The following PDE7A variants were observed in gnomAD, a reference collection of about 807,000 sequenced individuals.
PDE7A encodes the protein high affinity 3',5'-cyclic-AMP phosphodiesterase 7A.
A neutral mutation model predicts 64.3 loss-of-function variants in PDE7A; 39 were observed. That is an observed-to-expected ratio of 0.61 (90% CI 0.47 to 0.79). The LOEUF is 0.79. Among genes scored for constraint, PDE7A ranks in the 30% least tolerant of loss-of-function variants. The pLI, the probability that PDE7A is intolerant of heterozygous loss-of-function variation, is 0.00. For synonymous variants in PDE7A, 203 were observed against 206.8 expected, an observed-to-expected ratio of 0.98 and a Z score of 0.16; for missense variants, 470 against 582.8, an observed-to-expected ratio of 0.81 and a Z score of 1.99.
chr8:65,782,656 T>A (rs924768899), intron 2 of PDE7A, 127 bp downstream of exon 2: 23 of 603,924 alleles, frequency 3.8e-5, no homozygotes, highest in Non-Finnish European at 5.3e-5. Context: ...GACTCTAAAC[T>A]CCATGAATAG....
intron 7 of PDE7A, 62 bp from the exon 8 acceptor site, chr8:65,727,363 C>T: frequency 4.4e-6 from 7 of 1,592,592 alleles, no homozygotes; most frequent in Non-Finnish European, 6.0e-6. Context: ...TACGCCATCA[C>T]AGTAGTTTTG....
chr8:65,732,281 G>A (rs1037576644), intron 7 of PDE7A, among the ~76,000 whole-genome samples: 1 of 151,948 alleles, frequency 6.6e-6, no homozygotes, highest in African/African-American at 2.4e-5. Flanking sequence ...TTACAGGCGT[G>A]AGCCACCATG....
At chr8:65,774,439 T>G (rs1209272225) in intron 3 of PDE7A, among the ~76,000 whole-genome samples, 1 of 152,112 alleles carries the variant, frequency 6.6e-6, no homozygotes, top group Non-Finnish European at 1.5e-5. Context: ...ATAATTTGCC[T>G]ATAAAATTCT....
At chr8:65,816,761 C>T (rs899604566) in intron 1 of PDE7A, among the ~76,000 whole-genome samples, 4 of 152,204 alleles carry the variant, frequency 2.6e-5, no homozygotes, top group African/African-American at 4.8e-5. Context: ...TTTTCTCTTG[C>T]TGCTTTCAAG....
chr8:65,798,510 G>C (rs891104201), intron 1 of PDE7A, among the ~76,000 whole-genome samples: 3 of 151,972 alleles, frequency 2.0e-5, no homozygotes, highest in Middle Eastern at 3.4e-3. Context: ...TTGTTGCCTG[G>C]CCATATTTAA....
chr8:65,781,735 T>G (rs1435308083), intron 2 of PDE7A, among the ~76,000 whole-genome samples: 1 of 152,230 alleles, frequency 6.6e-6, no homozygotes, highest in East Asian at 1.9e-4. Context: ...TGTTTTGCTT[T>G]AGACATGTTA....
At chr8:65,770,439 G>T (rs966206695) in intron 3 of PDE7A, among the ~76,000 whole-genome samples, 1 of 152,146 alleles carries the variant, frequency 6.6e-6, no homozygotes, top group African/African-American at 2.4e-5. Context: ...ATCAGATTTC[G>T]TGAGACTTAT....
chr8:65,739,375 T>A (rs1300348259), intron 6 of PDE7A, 127 bp downstream of exon 6: 1 of 1,090,772 alleles, frequency 9.2e-7, no homozygotes, highest in African/African-American at 1.7e-5. Context: ...CTGTGTGTTG[T>A]TTTAAGCCAC....
intron 1 of PDE7A, among the ~76,000 whole-genome samples, chr8:65,800,830 G>A (rs781252458): frequency 2.2e-4 from 34 of 152,126 alleles, no homozygotes; most frequent in Non-Finnish European, 2.9e-4. Context: ...TTAAAGTTTC[G>A]TCCAGTGCTA....
chr8:65,753,592 C>T (rs745690882), intron 3 of PDE7A, among the ~76,000 whole-genome samples: 9 of 150,996 alleles, frequency 6.0e-5, no homozygotes, highest in East Asian at 2.0e-4. Flanking sequence ...AATGTGCACT[C>T]GAGAAGAATT....
chr8:65,740,612 G>C (rs891479901), intron 5 of PDE7A, among the ~76,000 whole-genome samples: 3 of 152,094 alleles, frequency 2.0e-5, no homozygotes, highest in African/African-American at 7.2e-5. Flanking sequence ...TTGTTGGCCA[G>C]GCTGGTCTCG....
intron 3 of PDE7A, among the ~76,000 whole-genome samples, chr8:65,778,700 C>A (rs1215169009): frequency 6.6e-6 from 1 of 152,230 alleles, no homozygotes; most frequent in African/African-American, 2.4e-5. Flanking sequence ...AAAGCCCTGA[C>A]TACTCTCTGC....
chr8:65,724,183 G>T, intron 11 of PDE7A, 72 bp downstream of exon 11: 1 of 911,300 alleles, frequency 1.1e-6, no homozygotes. Flanking sequence ...AAATTATTGA[G>T]TTATTTTATT....
chr8:65,779,692 G>T, intron 3 of PDE7A, 28 bp downstream of exon 3: 1 of 1,167,154 alleles, frequency 8.6e-7, no homozygotes, highest in Non-Finnish European at 1.2e-6. Context: ...GTGAAAATCC[G>T]AGAAACTTCA....
At chr8:65,755,569 T>A (rs1877641) in intron 3 of PDE7A, among the ~76,000 whole-genome samples, 1 of 152,112 alleles carries the variant, frequency 6.6e-6, no homozygotes, top group Non-Finnish European at 1.5e-5. Flanking sequence ...ACAAGTTACA[T>A]CTTTATATGT....
chr8:65,789,453 G>C (rs2128925677), intron 1 of PDE7A, among the ~76,000 whole-genome samples: 1 of 152,004 alleles, frequency 6.6e-6, no homozygotes, highest in East Asian at 1.9e-4. Context: ...ATTTTTAATT[G>C]AAATTTGTTC....
intron 1 of PDE7A, among the ~76,000 whole-genome samples, chr8:65,826,068 C>T (rs1460360413): frequency 2.0e-5 from 3 of 151,946 alleles, no homozygotes; most frequent in Non-Finnish European, 4.4e-5. Context: ...ACAAAACAGC[C>T]AATGCAAAGA....
At chr8:65,763,685 A>G (rs1441773968) in intron 3 of PDE7A, among the ~76,000 whole-genome samples, 1 of 152,238 alleles carries the variant, frequency 6.6e-6, no homozygotes, top group African/African-American at 2.4e-5. Flanking sequence ...TGAACATAGC[A>G]TAGCTCCTCA....
chr8:65,809,434 A>C (rs1271769114), intron 1 of PDE7A, among the ~76,000 whole-genome samples: 2 of 152,168 alleles, frequency 1.3e-5, no homozygotes, highest in Non-Finnish European at 2.9e-5. Context: ...TTTTTAAGTT[A>C]CCTCAAAAAA....
Sources: allele counts gnomAD v4.1 joint callset (sites outside exome capture counted in the v4.1 genomes callset), GRCh38; gene constraint gnomAD v4.1.1; transcripts MANE v1.5; gene names NCBI Gene and HGNC (gene_info 2026-07-23, HGNC 2026-07-21).